SLC9A9: variants seen among roughly 807,000 people sequenced by gnomAD.
The protein encoded by SLC9A9 is sodium/hydrogen exchanger 9.
SLC9A9 carries 62 observed loss-of-function variants against 77.8 expected under a neutral mutation model. The observed-to-expected ratio is 0.80, with a 90% confidence interval of 0.65 to 0.98. The LOEUF is 0.98. Among genes scored for constraint, SLC9A9 ranks in the 50% least tolerant of loss-of-function variants. SLC9A9 has a pLI of 0.00. For missense variants in SLC9A9, 775 were observed against 774.9 expected, an observed-to-expected ratio of 1.00 and a Z score of 0.00; for synonymous variants, 320 against 283.5, an observed-to-expected ratio of 1.13 and a Z score of -1.29.
chr3:143,347,783 ATC>A (rs149122337), intron 14 of SLC9A9, among the ~76,000 whole-genome samples: 1 of 152,294 alleles, frequency 6.6e-6, no homozygotes, highest in African/African-American at 2.4e-5. Context: ...TATTTTATAG[ATC>A]TGTGAGTGAG....
rs190655466 is a variant in SLC9A9, at chr3:143,805,836, C to T, written c.379-8933G>A. 6.7e-4 allele frequency among the ~76,000 whole-genome samples: 102 copies of T among 152,198 alleles called. No homozygotes were observed. In the South Asian group the frequency reaches 0.013, roughly 20 times the overall value. ...TATCTCCCTTCGCTAACTCTCTTTT[C>T]GGACTCAGCCCGCCTGCACTCAGGT... On this transcript the variant is annotated intron_variant, in intron 2 of 15. Transcript: ENST00000316549.
chr3:143,785,647 C>T (rs2008024410), intron 4 of SLC9A9, among the ~76,000 whole-genome samples: 1 of 152,068 alleles, frequency 6.6e-6, no homozygotes, highest in South Asian at 2.1e-4. Context: ...AACTGATATA[C>T]TCCCCTGATT....
chr3:143,479,424 A>AT (rs2035536990), intron 11 of SLC9A9, among the ~76,000 whole-genome samples: 2 of 148,170 alleles, frequency 1.3e-5, no homozygotes, highest in African/African-American at 2.5e-5. Flanking sequence ...ATTAAAAAAA[A>AT]ATTTTTTTTG....
intron 12 of SLC9A9, among the ~76,000 whole-genome samples, chr3:143,438,166 C>T (rs746606319): frequency 6.6e-6 from 1 of 152,220 alleles, no homozygotes; most frequent in Non-Finnish European, 1.5e-5. Flanking sequence ...TGTGCTTATA[C>T]AGGCAAAACA....
chr3:143,748,557 G>A (rs1935253989), intron 4 of SLC9A9, among the ~76,000 whole-genome samples: 1 of 152,090 alleles, frequency 6.6e-6, no homozygotes, highest in Non-Finnish European at 1.5e-5. Context: ...ACTACCAAAT[G>A]GTTCAGCTGA....
At chr3:143,717,952 C>T (rs1934397265) in intron 4 of SLC9A9, among the ~76,000 whole-genome samples, 1 of 152,168 alleles carries the variant, frequency 6.6e-6, no homozygotes, top group Admixed American at 6.5e-5. Context: ...TAGATCTACA[C>T]TTCACAATGT....
At chr3:143,440,355 C>T (rs369163206) in intron 12 of SLC9A9, among the ~76,000 whole-genome samples, 14 of 152,090 alleles carry the variant, frequency 9.2e-5, no homozygotes, top group African/African-American at 3.4e-4. Context: ...TTATGATTGG[C>T]AGAGTAAGGG....
intron 14 of SLC9A9, among the ~76,000 whole-genome samples, chr3:143,309,532 T>C (rs1450066526): frequency 6.6e-6 from 1 of 152,134 alleles, no homozygotes; most frequent in African/African-American, 2.4e-5. Flanking sequence ...GATTTCTCAG[T>C]AGTTTTTATT....
chr3:143,746,889 A>C (rs1560060813), intron 4 of SLC9A9, among the ~76,000 whole-genome samples: 1 of 152,216 alleles, frequency 6.6e-6, no homozygotes, highest in South Asian at 2.1e-4. Context: ...GGTATTCTTT[A>C]TGATGTCCAA....
At chr3:143,634,349 T>G (rs2108730291) in intron 6 of SLC9A9, among the ~76,000 whole-genome samples, 1 of 152,302 alleles carries the variant, frequency 6.6e-6, no homozygotes, top group East Asian at 1.9e-4. Flanking sequence ...TGTCATTCAT[T>G]TCTGTCATAT....
chr3:143,390,242 C>T (rs933075938), intron 12 of SLC9A9, among the ~76,000 whole-genome samples: 2 of 152,156 alleles, frequency 1.3e-5, no homozygotes, highest in Admixed American at 1.3e-4. Flanking sequence ...AGGGTCTGGT[C>T]TATCTTTAAC....
rs759672308 is a variant in SLC9A9, at chr3:143,832,158, A to C, written c.239T>G (p.Val80Gly). Residue 80 changes from valine to glycine, a missense_variant, in exon 2 of 16, where the codon GTC (valine) becomes GGC (glycine). By Grantham distance (109) the Val-to-Gly change is moderately radical (BLOSUM62 -3). Coordinates refer to ENST00000316549, the MANE Select transcript of SLC9A9 (RefSeq NM_173653.4). ...GAAAGTTAGTTTTACACAGTCATAGACAGTTCCACTTTCAATATCAGTTGG... is the reference window on the plus strand; with the variant it reads ...GAAAGTTAGTTTTACACAGTCATAGCCAGTTCCACTTTCAATATCAGTTGG... Reference protein sequence around the residue: ...TAPTDIESGTVYDCVKLTFSP... With the variant: ...TAPTDIESGTGYDCVKLTFSP... 1 of 1,613,254 alleles carries C rather than the reference A, an allele frequency of 6.2e-7. No homozygotes were observed. The highest frequency in any genetic ancestry group is 2.2e-5 in the East Asian group (1 of 44,782).
intron 9 of SLC9A9, among the ~76,000 whole-genome samples, chr3:143,505,799 A>G (rs1236203643): frequency 6.6e-6 from 1 of 152,248 alleles, no homozygotes; most frequent in Non-Finnish European, 1.5e-5. Context: ...TTACAGCTAC[A>G]AGGAATTGAG....
chr3:143,419,851 T>C (rs2034265729), intron 12 of SLC9A9, among the ~76,000 whole-genome samples: 1 of 152,194 alleles, frequency 6.6e-6, no homozygotes, highest in South Asian at 2.1e-4. Context: ...GGAGTCCTTT[T>C]AGTGTCTGAG....
At chr3:143,629,239 G>A (rs1202232953) in intron 6 of SLC9A9, among the ~76,000 whole-genome samples, 2 of 152,176 alleles carry the variant, frequency 1.3e-5, no homozygotes, top group Non-Finnish European at 2.9e-5. Flanking sequence ...CAGCTTGTCT[G>A]AGGTCCAAAC....
At chr3:143,807,576 T>C (rs11719892) in intron 2 of SLC9A9, among the ~76,000 whole-genome samples, 92,892 of 151,978 alleles carry the variant, frequency 0.61, 31,396 homozygotes, top group African/African-American at 0.9. Context: ...TCAAATCCGT[T>C]TCTACTAAAA....
intron 4 of SLC9A9, among the ~76,000 whole-genome samples, chr3:143,765,002 T>TCCTTC (rs2007259801): frequency 7.4e-6 from 1 of 135,996 alleles, no homozygotes; most frequent in African/African-American, 3.4e-5. Context: ...TTCCTTCCTT[T>TCCTTC]CTTTCTTTCT....
chr3:143,813,157 C>A (rs1037750865), intron 2 of SLC9A9, among the ~76,000 whole-genome samples: 3 of 152,004 alleles, frequency 2.0e-5, no homozygotes, highest in Non-Finnish European at 4.4e-5. Flanking sequence ...TAGAGCAGTA[C>A]ATGCCAGAAT....
chr3:143,518,223 G>A, intron 9 of SLC9A9: 1 of 1,596,820 alleles, frequency 6.3e-7, no homozygotes, highest in East Asian at 2.2e-5. Flanking sequence ...ACTTTGCGGG[G>A]GTCCATGGCA....
Sources: gnomAD v4.1 joint callset for allele counts (sites outside exome capture counted in the v4.1 genomes callset) on GRCh38, gnomAD v4.1.1 for gene constraint, MANE v1.5 for transcripts, NCBI Gene and HGNC (gene_info 2026-07-23, HGNC 2026-07-21) for gene names.